The following DNAAF5 variants were observed in gnomAD, a reference collection of about 807,000 sequenced individuals.
The protein encoded by DNAAF5 is HEAT repeat containing 2.
A neutral mutation model predicts 75.8 loss-of-function variants in DNAAF5; 64 were observed. That is an observed-to-expected ratio of 0.84 (90% CI 0.69 to 1.04). DNAAF5 has a LOEUF of 1.04. DNAAF5 is among the 50% of genes least tolerant of loss of function. The pLI is 0.00. For missense variants in DNAAF5, 1,269 were observed against 1,178.5 expected (o/e 1.08, Z -1.12); for synonymous variants, 657 against 557.2 (o/e 1.18, Z -2.52).
rs561375744 is a variant in DNAAF5, at chr7:737,313, C to G, written c.781-3506C>G. The stretch of plus-strand genomic sequence containing the variant: ...GTTTCATCATGTTGGCCAGGCTTGT[C>G]TTGAACTCCTGAGCTCAGGTGATCT... On this transcript the variant is annotated intron_variant, in intron 2 of 12. Coordinates refer to ENST00000297440, the MANE Select transcript of DNAAF5 (RefSeq NM_017802.4). Among the ~76,000 whole-genome samples, 5 of 152,260 alleles carry G rather than the reference C, an allele frequency of 3.3e-5. No homozygotes were observed. The East Asian group carries it at 9.7e-4, about 29-fold the overall frequency.
At chr7:732,521 G>A in intron 2 of DNAAF5, 1 of 456,124 alleles carries the variant, frequency 2.2e-6, no homozygotes, top group South Asian at 1.5e-5. Context: ...TTCTTGTCAA[G>A]AGAGACCTTC....
chr7:727,029 C>A lies in DNAAF5; in HGVS notation c.309C>A (p.Gly103=), dbSNP rs997734153. The change falls in exon 1 of 13, where the codon GGC becomes GGA. Residue 103 remains glycine (G), a synonymous_variant. Transcript: ENST00000297440. ...TGGCAGTGCACCTGCTGGATCTGGG[C>A]CTGCGCCGCGCCGCGCGGCCCCGCG... is the stretch of plus-strand genomic sequence containing the variant. ...RALAVHLLDL[G]LRRAARPRDA... 3 of 1,150,054 alleles carry A rather than the reference C, an allele frequency of 2.6e-6. No individual in the cohort carries two copies. Among genetic ancestry groups the A allele is most frequent in the East Asian group, 8.5e-5 (2 of 23,464 alleles). 71.2% of individuals were successfully genotyped at this position (1,150,054 alleles called of 1,614,324 possible). A position where few individuals can be genotyped will look rare whatever the true frequency, so the allele number is the denominator to read the frequency against.
chr7:760,510 C>T (rs79959274), intron 6 of DNAAF5, among the ~76,000 whole-genome samples: 6,067 of 152,184 alleles, frequency 0.04, 424 homozygotes, highest in African/African-American at 0.14. Context: ...ACAGGCCAGG[C>T]GTGGTGGTTC....
chr7:775,490 A>T (rs1453905280), intron 11 of DNAAF5, among the ~76,000 whole-genome samples: 1 of 151,302 alleles, frequency 6.6e-6, no homozygotes, highest in Non-Finnish European at 1.5e-5. Flanking sequence ...AACAGACCAA[A>T]ACCTTGTCTT....
chr7:781,568 T>G (rs1778942595), intron 12 of DNAAF5, among the ~76,000 whole-genome samples: 1 of 150,478 alleles, frequency 6.6e-6, no homozygotes, highest in Non-Finnish European at 1.5e-5. Context: ...GGGGCTCTAT[T>G]TTTAGTTTTG....
Position 751,597 on chromosome 7 carries a change from G to A in DNAAF5, c.1025-2992G>A, listed in dbSNP as rs1412519389. ...TTTTTTTTTTTTTTTTTTTTGAGATGGAGTCTCACTCTGTCGCCCAGGCTG... is the reference window on the plus strand; with the variant it reads ...TTTTTTTTTTTTTTTTTTTTGAGATAGAGTCTCACTCTGTCGCCCAGGCTG... On this transcript the variant is annotated intron_variant, in intron 4 of 12. Coordinates refer to ENST00000297440, the MANE Select transcript of DNAAF5 (RefSeq NM_017802.4). Among the ~76,000 whole-genome samples, 28 of 128,810 alleles carry A rather than the reference G, an allele frequency of 2.2e-4. 1 individual carries two copies. Among genetic ancestry groups the A allele is most frequent in the East Asian group, 2.2e-4 (1 of 4,470 alleles). The allele number at this position is 128,810 out of a possible 152,430, so 84.5% of individuals were successfully genotyped here.
intron 3 of DNAAF5, 104 bp downstream of exon 3, chr7:741,047 C>A: frequency 7.2e-7 from 1 of 1,389,128 alleles, no homozygotes; most frequent in Non-Finnish European, 9.9e-7. Context: ...GCTGGTGTCC[C>A]TTTGTCCCTG....
intron 6 of DNAAF5, among the ~76,000 whole-genome samples, chr7:757,360 A>G (rs916836083): frequency 4.6e-5 from 7 of 152,018 alleles, no homozygotes; most frequent in Non-Finnish European, 1.0e-4. Context: ...CATGGCCGGG[A>G]CCCTCTGGCC....
At chr7:731,947 C>T (rs919352036) in intron 2 of DNAAF5, among the ~76,000 whole-genome samples, 1 of 152,132 alleles carries the variant, frequency 6.6e-6, no homozygotes, top group Non-Finnish European at 1.5e-5. Flanking sequence ...GGACTGGTGC[C>T]CTGGGACCCC....
At chr7:785,070 A>G (rs866253147) in intron 12 of DNAAF5, among the ~76,000 whole-genome samples, 2 of 151,800 alleles carry the variant, frequency 1.3e-5, no homozygotes, top group Admixed American at 6.6e-5. Context: ...CGTTATGACT[A>G]CTGTGCACCC....
At chr7:738,970 G>A (rs933079273) in intron 2 of DNAAF5, among the ~76,000 whole-genome samples, 10 of 152,236 alleles carry the variant, frequency 6.6e-5, no homozygotes, top group South Asian at 4.1e-4. Context: ...CCTGGCTGCC[G>A]GCCTGGGGCA....
At chr7:771,775 G>C (rs7795331) in intron 9 of DNAAF5, 1 of 152,154 alleles carries the variant, frequency 6.6e-6, no homozygotes, top group South Asian at 2.1e-4. Context: ...GGGAGGAACC[G>C]CTGGGCAGGT....
intron 11 of DNAAF5, 85 bp from the exon 12 acceptor site, chr7:779,868 G>A (rs1778877646): frequency 1.7e-6 from 2 of 1,164,190 alleles, no homozygotes; most frequent in Admixed American, 2.1e-5. Context: ...TGTCCCATGG[G>A]AGTATGAACT....
At chr7:746,271 GC>G (rs1246513922) in intron 4 of DNAAF5, among the ~76,000 whole-genome samples, 5 of 103,820 alleles carry the variant, frequency 4.8e-5, no homozygotes, top group African/African-American at 4.0e-5. Flanking sequence ...TTACTGTCTT[GC>G]CCCCCCCTGC....
chr7:774,505 A>G (rs1366528979), intron 10 of DNAAF5, among the ~76,000 whole-genome samples: 1 of 152,140 alleles, frequency 6.6e-6, no homozygotes, highest in Non-Finnish European at 1.5e-5. Flanking sequence ...TGCTGGCTGC[A>G]AGACCAGGAG....
rs563294364 is a variant in DNAAF5, at chr7:729,745, C to T, written c.678C>T (p.Ala226=). The change falls in exon 2 of 13, where the codon GCC becomes GCT. Residue 226 remains alanine (A), a synonymous_variant. Coordinates refer to ENST00000297440, the MANE Select transcript of DNAAF5 (RefSeq NM_017802.4). ...ACCAGCACTGGAAGGTCCGTGTGGC[C>T]GCCATTGAAGCCACAGGCGCAGTGA... is the stretch of plus-strand genomic sequence containing the variant. ...ISHQHWKVRV[A]AIEATGAVIH... is the part of the protein sequence containing the mutation. 17 of 1,613,998 alleles carry T rather than the reference C, an allele frequency of 1.1e-5. No individual in the cohort carries two copies. Among genetic ancestry groups the T allele is most frequent in the African/African-American group, 1.3e-5 (1 of 74,904 alleles).
chr7:755,048 C>T (rs557957052), intron 5 of DNAAF5, among the ~76,000 whole-genome samples: 1 of 152,324 alleles, frequency 6.6e-6, no homozygotes, highest in Admixed American at 6.5e-5. Context: ...TTTTCAAGCA[C>T]ACTCGGGGGT....
chr7:735,016 T>C (rs1410118233), intron 2 of DNAAF5, among the ~76,000 whole-genome samples: 1 of 151,946 alleles, frequency 6.6e-6, no homozygotes. Context: ...GCTCACGGTG[T>C]AGTTCATGGT....
intron 2 of DNAAF5, among the ~76,000 whole-genome samples, chr7:735,439 G>T (rs925032343): frequency 6.6e-6 from 1 of 150,862 alleles, no homozygotes; most frequent in East Asian, 2.0e-4. Context: ...GCTGCTCACG[G>T]TGTAGTTGTT....
Sources: allele counts gnomAD v4.1 joint callset (sites outside exome capture counted in the v4.1 genomes callset), GRCh38; gene constraint gnomAD v4.1.1; transcripts MANE v1.5; gene names NCBI Gene and HGNC (gene_info 2026-07-23, HGNC 2026-07-21).